The following HYDIN variants were observed in gnomAD, a reference collection of about 807,000 sequenced individuals.
HYDIN encodes the protein HYDIN axonemal central pair apparatus protein, also known as axonemal central pair apparatus protein HYDIN.
In HYDIN, 132 loss-of-function variants were observed where a neutral mutation model predicts 403.9. The ratio of observed to expected loss-of-function variants is 0.33; its 90% CI spans 0.28 to 0.38. The LOEUF (loss-of-function observed/expected upper bound fraction) is 0.38. Ranked by LOEUF, HYDIN falls within the 10% of genes least tolerant of loss-of-function variation. The pLI, the probability that HYDIN is intolerant of heterozygous loss-of-function variation, is 1.00. For synonymous variants in HYDIN, 1,202 were observed against 1,891.7 expected (o/e 0.64, Z 9.46); for missense variants, 2,827 against 5,009.5 (o/e 0.56, Z 13.15).
intron 9 of HYDIN, among the ~76,000 whole-genome samples, chr16:71,122,604 C>T (rs1477363382): frequency 1.3e-5 from 1 of 76,696 alleles, no homozygotes; most frequent in Admixed American, 1.6e-4. Context: ...GGACTTCCAC[C>T]CAACCTGGTT....
At chr16:71,141,561 A>G (rs898323662) in intron 7 of HYDIN, among the ~76,000 whole-genome samples, 11 of 152,136 alleles carry the variant, frequency 7.2e-5, no homozygotes, top group Non-Finnish European at 1.3e-4. Flanking sequence ...CCTCTAAGAA[A>G]CATGTACAGC....
chr16:71,027,204 T>A, intron 20 of HYDIN: 1 of 1,096,406 alleles, frequency 9.1e-7, no homozygotes, highest in Non-Finnish European at 1.1e-6. Flanking sequence ...AACAGGGATG[T>A]CCCAATACCT....
chr16:71,115,031 T>C (rs2083966431), intron 10 of HYDIN, among the ~76,000 whole-genome samples: 2 of 150,086 alleles, frequency 1.3e-5, no homozygotes, highest in Non-Finnish European at 3.0e-5. Flanking sequence ...ATTGTGGGAA[T>C]TGGTCATAAG....
rs796390224 is a variant in HYDIN, at chr16:71,027,442, C to T, written c.3042+160G>A. ...TTGAAGACTGAGCAGAGCTGCACCC[C>T]GAAAGCAACGGATGCTACTATGGTA... On this transcript the variant is annotated intron_variant, in intron 20 of 85. Transcript: ENST00000393567. 56 of 1,510,906 alleles carry T rather than the reference C, an allele frequency of 3.7e-5. 1 individual carries two copies. The highest frequency in any genetic ancestry group is 3.5e-4 in the African/African-American group (25 of 71,160). 93.6% of individuals were successfully genotyped at this position (1,510,906 alleles called of 1,614,324 possible). A position where few individuals can be genotyped will look rare whatever the true frequency, so the allele number is the denominator to read the frequency against.
At chr16:71,073,035 G>C (rs991766754) in intron 13 of HYDIN, among the ~76,000 whole-genome samples, 3 of 152,166 alleles carry the variant, frequency 2.0e-5, no homozygotes, top group African/African-American at 7.2e-5. Flanking sequence ...TCTCACTGGG[G>C]ATCTTAAGTA....
intron 53 of HYDIN, among the ~76,000 whole-genome samples, chr16:70,899,227 C>A (rs2076291872): frequency 6.6e-6 from 1 of 151,788 alleles, no homozygotes; most frequent in African/African-American, 2.4e-5. Context: ...ACTCCTGGAG[C>A]CTGTGAATAT....
At chr16:71,221,275 T>C (rs1248820761) in intron 1 of HYDIN, among the ~76,000 whole-genome samples, 4 of 149,370 alleles carry the variant, frequency 2.7e-5, no homozygotes, top group Non-Finnish European at 4.4e-5. Flanking sequence ...AAAAAAACCC[T>C]GAAAGGTTAG....
intron 7 of HYDIN, among the ~76,000 whole-genome samples, chr16:71,139,283 G>A (rs370126459): frequency 2.0e-5 from 3 of 151,896 alleles, no homozygotes; most frequent in African/African-American, 7.3e-5. Flanking sequence ...TTTTGGGGGG[G>A]GAAAGGTACT....
intron 10 of HYDIN, among the ~76,000 whole-genome samples, chr16:71,101,617 G>C (rs1255689520): frequency 6.6e-6 from 1 of 151,732 alleles, no homozygotes; most frequent in Non-Finnish European, 1.5e-5. Context: ...CATAATTGCA[G>C]AAATATTAAT....
chr16:70,964,693 G>A (rs1474201900), intron 37 of HYDIN, 35 bp downstream of exon 37: 3 of 1,610,556 alleles, frequency 1.9e-6, no homozygotes, highest in African/African-American at 2.7e-5. Flanking sequence ...AAAGGCAATG[G>A]TTAGCATGAG....
intron 23 of HYDIN, among the ~76,000 whole-genome samples, chr16:71,006,625 G>C (rs1446275841): frequency 1.3e-5 from 2 of 151,854 alleles, no homozygotes; most frequent in South Asian, 2.1e-4. Flanking sequence ...CTCAGGATGA[G>C]AGCTCCCACC....
chr16:70,859,991 G>A, intron 71 of HYDIN, 77 bp downstream of exon 71: 1 of 1,430,440 alleles, frequency 7.0e-7, no homozygotes, highest in South Asian at 1.2e-5. Flanking sequence ...TCCACTTACT[G>A]TCTATGGCAC....
chr16:71,116,160 C>T (rs193041137), intron 9 of HYDIN, among the ~76,000 whole-genome samples: 100 of 151,880 alleles, frequency 6.6e-4, no homozygotes, highest in Admixed American at 1.8e-3. Context: ...TCCCCATTTC[C>T]GCCCCCAATC....
intron 23 of HYDIN, among the ~76,000 whole-genome samples, chr16:71,001,789 G>A (rs1053953833): frequency 6.6e-6 from 1 of 151,718 alleles, no homozygotes; most frequent in Non-Finnish European, 1.5e-5. Context: ...GGAGCCTGGA[G>A]GGAGGATTCC....
At chr16:71,136,594 T>A (rs2084927945) in intron 8 of HYDIN, among the ~76,000 whole-genome samples, 1 of 140,182 alleles carries the variant, frequency 7.1e-6, no homozygotes, top group Non-Finnish European at 1.5e-5. Context: ...TGAAACCCCA[T>A]GTCTCTACTA....
chr16:71,067,834 G>C (rs560325640), intron 14 of HYDIN, among the ~76,000 whole-genome samples: 83 of 152,046 alleles, frequency 5.5e-4, no homozygotes, highest in African/African-American at 2.0e-3. Context: ...GTCAGTTCCA[G>C]AAAATGGTGT....
intron 10 of HYDIN, among the ~76,000 whole-genome samples, chr16:71,109,013 C>CA (rs2083719836): frequency 1.3e-5 from 2 of 150,844 alleles, no homozygotes; most frequent in Non-Finnish European, 2.9e-5. Context: ...TACTGAGCCA[C>CA]CAACATGATG....
chr16:71,061,478 C>G (rs914625323), intron 17 of HYDIN, among the ~76,000 whole-genome samples: 1 of 152,274 alleles, frequency 6.6e-6, no homozygotes, highest in Non-Finnish European at 1.5e-5. Context: ...TGGGCAACCT[C>G]CTGTAGGATT....
chr16:71,085,754 T>C (rs1331561051), intron 12 of HYDIN, among the ~76,000 whole-genome samples: 1 of 152,368 alleles, frequency 6.6e-6, no homozygotes, highest in East Asian at 1.9e-4. Flanking sequence ...CTATTTTGTC[T>C]GATATAACAT....
Sources: gnomAD v4.1 joint callset for allele counts (sites outside exome capture counted in the v4.1 genomes callset) on GRCh38, gnomAD v4.1.1 for gene constraint, MANE v1.5 for transcripts, NCBI Gene and HGNC (gene_info 2026-07-23, HGNC 2026-07-21) for gene names.